ADAMTSL1: variants seen among roughly 807,000 people sequenced by gnomAD.
ADAMTSL1 encodes the protein ADAMTS like 1, also known as ADAMTS-like protein 1.
A neutral mutation model predicts 201.8 loss-of-function variants in ADAMTSL1; 126 were observed. The ratio of observed to expected loss-of-function variants is 0.62; its 90% confidence interval spans 0.54 to 0.72. The LOEUF is 0.72. Ranked by LOEUF, ADAMTSL1 falls within the 30% of genes least tolerant of loss-of-function variation. The pLI is 0.00. For missense variants in ADAMTSL1, 2,679 were observed against 2,277.8 expected, an observed-to-expected ratio of 1.18 and a Z score of -3.59; for synonymous variants, 1,121 against 903.4, an observed-to-expected ratio of 1.24 and a Z score of -4.32.
rs754875954 is a variant in ADAMTSL1 at position 18,826,369 on chromosome 9, C to A, written c.4020C>A (p.Leu1340=). 6.2e-7 allele frequency: 1 copy of A among 1,613,660 alleles called. No individual in the cohort carries two copies. Among genetic ancestry groups the A allele is most frequent in the Non-Finnish European group, 8.5e-7 (1 of 1,179,798 alleles). ...ATCTGCACGAAGGCTCCTTGCTGCT[C>A]ACAAACGTGTCCTCCTCGGATCAGG... The part of the protein sequence containing the change: ...PHHLHEGSLL[L]TNVSSSDQGL... The change falls in exon 22 of 29, where the codon CTC becomes CTA. Residue 1340 remains leucine, a synonymous_variant. Coordinates refer to ENST00000380548, the MANE Select transcript of ADAMTSL1 (RefSeq NM_001040272.6).
intron 19 of ADAMTSL1, among the ~76,000 whole-genome samples, chr9:18,785,948 C>A (rs896907225): frequency 7.2e-5 from 11 of 152,166 alleles, no homozygotes; most frequent in Admixed American, 1.3e-4. Context: ...CTGCTGATAG[C>A]ACCACACTGT....
In ADAMTSL1 at chr9:18,016,721, A is replaced by G. The variant is rs117869548; in HGVS notation, c.87+109799A>G. ...TCAAGGTGCCATGTACAAAAAAAGT[A>G]CCTAACAATTTGTGTTGGTATTTAG... On this transcript the variant is annotated intron_variant, in intron 1 of 29. Coordinates refer to the ADAMTSL1 transcript ENST00000680146. Among the ~76,000 whole-genome samples the G allele has an allele frequency of 5.8e-4, 88 of 152,176 alleles. No homozygotes were observed. In the East Asian group the frequency reaches 0.014, roughly 24 times the overall value.
At chr9:17,932,054 A>C (rs2131321019) in intron 1 of ADAMTSL1, among the ~76,000 whole-genome samples, 1 of 152,286 alleles carries the variant, frequency 6.6e-6, no homozygotes, top group Non-Finnish European at 1.5e-5. Context: ...AGGTTTGGAT[A>C]TCTTTGTGTT....
At chr9:18,271,845 C>T (rs1166248272) in intron 2 of ADAMTSL1, among the ~76,000 whole-genome samples, 1 of 152,080 alleles carries the variant, frequency 6.6e-6, no homozygotes, top group Admixed American at 6.6e-5. Context: ...CTGTTGTTTC[C>T]TGACTCTTTA....
intron 14 of ADAMTSL1, among the ~76,000 whole-genome samples, chr9:18,713,891 C>T (rs1421053610): frequency 1.4e-5 from 2 of 141,974 alleles, no homozygotes; most frequent in African/African-American, 2.6e-5. Context: ...GAAATTATAA[C>T]AAACTATCTC....
intron 2 of ADAMTSL1, among the ~76,000 whole-genome samples, chr9:18,390,729 C>T (rs972644322): frequency 6.6e-6 from 1 of 151,956 alleles, no homozygotes; most frequent in Non-Finnish European, 1.5e-5. Flanking sequence ...CATTCAGCAC[C>T]AACGTTTTCT....
At chr9:18,594,602 GCT>G (rs978630792) in intron 4 of ADAMTSL1, among the ~76,000 whole-genome samples, 17 of 152,040 alleles carry the variant, frequency 1.1e-4, no homozygotes, top group African/African-American at 3.9e-4. Context: ...AGCTGTTTAT[GCT>G]CTCTCTTACA....
intron 1 of ADAMTSL1, among the ~76,000 whole-genome samples, chr9:17,985,570 G>T (rs962221867): frequency 6.6e-6 from 1 of 152,076 alleles, no homozygotes. Flanking sequence ...GAAATTGGTT[G>T]ACTGAAATGT....
At chr9:18,765,822 G>A (rs1261596893) in intron 16 of ADAMTSL1, among the ~76,000 whole-genome samples, 1 of 152,084 alleles carries the variant, frequency 6.6e-6, no homozygotes, top group South Asian at 2.1e-4. Flanking sequence ...GAAAATATGA[G>A]AGCTATTATA....
chr9:18,861,892 C>T (rs2131419442), intron 23 of ADAMTSL1, among the ~76,000 whole-genome samples: 1 of 151,942 alleles, frequency 6.6e-6, no homozygotes, highest in East Asian at 1.9e-4. Context: ...CTCAACTCTC[C>T]CCCGTCTTTA....
At chr9:18,189,479 C>T (rs1452502507) in intron 2 of ADAMTSL1, among the ~76,000 whole-genome samples, 1 of 152,120 alleles carries the variant, frequency 6.6e-6, no homozygotes, top group Non-Finnish European at 1.5e-5. Context: ...TATATCAGGC[C>T]AGTTCCTACA....
intron 1 of ADAMTSL1, among the ~76,000 whole-genome samples, chr9:18,068,684 TA>T (rs1180006996): frequency 5.3e-5 from 8 of 152,358 alleles, no homozygotes; most frequent in Non-Finnish European, 7.3e-5. Flanking sequence ...TGGAAGTTTT[TA>T]ATGTTGTGAA....
At chr9:18,077,196 G>A (rs1230143666) in intron 1 of ADAMTSL1, among the ~76,000 whole-genome samples, 1 of 152,136 alleles carries the variant, frequency 6.6e-6, no homozygotes, top group African/African-American at 2.4e-5. Flanking sequence ...ATAAAAGTCT[G>A]AATTTCCCAG....
chr9:17,970,922 G>A (rs1818182220), intron 1 of ADAMTSL1, among the ~76,000 whole-genome samples: 1 of 151,940 alleles, frequency 6.6e-6, no homozygotes, highest in Admixed American at 6.6e-5. Context: ...AAGATTAATT[G>A]AATTTATGTA....
chr9:17,959,711 C>T (rs1379939142), intron 1 of ADAMTSL1, among the ~76,000 whole-genome samples: 2 of 152,184 alleles, frequency 1.3e-5, no homozygotes, highest in Non-Finnish European at 2.9e-5. Flanking sequence ...CCACCTTGGT[C>T]TCCCAAAGTG....
At chr9:18,326,888 C>A (rs921289724) in intron 2 of ADAMTSL1, among the ~76,000 whole-genome samples, 13 of 152,286 alleles carry the variant, frequency 8.5e-5, no homozygotes, top group African/African-American at 3.1e-4. Context: ...TGACCTGTTG[C>A]TTGCAACTGG....
intron 15 of ADAMTSL1, chr9:18,722,884 C>G (rs1833482386): frequency 2.9e-6 from 2 of 687,506 alleles, no homozygotes; most frequent in African/African-American, 3.5e-5. Flanking sequence ...TCCTGAGTAA[C>G]CTCGTTTTCT....
intron 1 of ADAMTSL1, among the ~76,000 whole-genome samples, chr9:17,972,962 C>G (rs979998917): frequency 2.7e-5 from 4 of 149,884 alleles, no homozygotes; most frequent in Non-Finnish European, 4.4e-5. Flanking sequence ...TAAATGTCTT[C>G]TTTTGAGAAG....
chr9:18,116,064 G>C (rs1825236522), intron 1 of ADAMTSL1, among the ~76,000 whole-genome samples: 1 of 152,112 alleles, frequency 6.6e-6, no homozygotes, highest in Non-Finnish European at 1.5e-5. Flanking sequence ...GAGGAAGCAG[G>C]GACAGAGACC....
Sources: allele counts gnomAD v4.1 joint callset (sites outside exome capture counted in the v4.1 genomes callset), GRCh38; gene constraint gnomAD v4.1.1; transcripts MANE v1.5; gene names NCBI Gene and HGNC (gene_info 2026-07-23, HGNC 2026-07-21).